Variants in LIX1 observed in about 807,000 individuals in gnomAD.
LIX1 encodes protein limb expression 1 homolog.
A neutral mutation model predicts 33.4 loss-of-function variants in LIX1; 24 were observed. The ratio of observed to expected loss-of-function variants is 0.72; its 90% CI spans 0.52 to 1.01. The LOEUF (loss-of-function observed/expected upper bound fraction) is 1.01. LIX1 is among the 50% of genes least tolerant of loss of function. The pLI is 0.00. For missense variants in LIX1, 311 were observed against 339.2 expected, an observed-to-expected ratio of 0.92 and a Z score of 0.65; for synonymous variants, 124 against 124.0, an observed-to-expected ratio of 1.00 and a Z score of 0.00.
chr5:97,110,655 G>C (rs1259460774), intron 2 of LIX1, among the ~76,000 whole-genome samples: 1 of 152,092 alleles, frequency 6.6e-6, no homozygotes. Context: ...TGTTGGTCAG[G>C]CTGGTCTCGA....
chr5:97,116,318 C>G (rs980690149), intron 2 of LIX1, among the ~76,000 whole-genome samples: 5 of 152,048 alleles, frequency 3.3e-5, no homozygotes, highest in African/African-American at 4.8e-5. Context: ...AAAGGGCAAC[C>G]GTTGGAACTC....
chr5:97,116,831 C>T (rs1046159694), intron 2 of LIX1, among the ~76,000 whole-genome samples: 2 of 152,070 alleles, frequency 1.3e-5, no homozygotes, highest in African/African-American at 2.4e-5. Flanking sequence ...GTCAGGCTTT[C>T]TTCCCCACTC....
Position 97,093,898 on chromosome 5 carries a change from C to A in LIX1, c.*850G>T, listed in dbSNP as rs994998155. Reference sequence around the variant, plus strand: ...CTAATAATTTTTCAAAATGTTTTAACCTTTAAAATGCCATTAATTTTTCTC... The same window carrying A: ...CTAATAATTTTTCAAAATGTTTTAAACTTTAAAATGCCATTAATTTTTCTC... On this transcript the variant is annotated 3_prime_UTR_variant, in exon 6 of 6. Coordinates refer to ENST00000274382, the MANE Select transcript of LIX1 (RefSeq NM_153234.5). The A allele has an allele frequency of 6.6e-6, 1 of 152,224 alleles. No homozygotes were observed. Among genetic ancestry groups the A allele is most frequent in the African/African-American group, 2.4e-5 (1 of 41,406 alleles). 9.4% of individuals were successfully genotyped at this position (152,224 alleles called of 1,614,324 possible).
intron 1 of LIX1, among the ~76,000 whole-genome samples, chr5:97,128,848 C>G (rs1318495345): frequency 2.0e-5 from 3 of 152,106 alleles, no homozygotes; most frequent in African/African-American, 7.2e-5. Flanking sequence ...TTCGTTCATG[C>G]TCACTGTATC....
chr5:97,104,711 T>C (rs1561491282), intron 4 of LIX1, among the ~76,000 whole-genome samples: 1 of 152,160 alleles, frequency 6.6e-6, no homozygotes, highest in African/African-American at 2.4e-5. Flanking sequence ...GAGTTACAGA[T>C]TGTTAATTTT....
chr5:97,107,779 A>G (rs1747135699), intron 2 of LIX1, among the ~76,000 whole-genome samples: 1 of 152,264 alleles, frequency 6.6e-6, no homozygotes, highest in Admixed American at 6.5e-5. Flanking sequence ...ATTAATGAGT[A>G]ATGATAAATT....
chr5:97,114,474 T>A (rs1209145412), intron 2 of LIX1, among the ~76,000 whole-genome samples: 1 of 152,218 alleles, frequency 6.6e-6, no homozygotes, highest in Non-Finnish European at 1.5e-5. Flanking sequence ...ACCAGGACCC[T>A]ATAGGGTACA....
At chr5:97,140,230 GT>G (rs1003267748) in intron 1 of LIX1, among the ~76,000 whole-genome samples, 2 of 152,192 alleles carry the variant, frequency 1.3e-5, no homozygotes, top group Non-Finnish European at 2.9e-5. Context: ...GTGTGTGCAT[GT>G]GTGTGTGTTT....
intron 3 of LIX1, 107 bp downstream of exon 3, chr5:97,107,253 T>A (rs316179): frequency 0.24 from 275,635 of 1,169,250 alleles, 36,795 homozygotes; most frequent in African/African-American, 0.57. Flanking sequence ...AAATTGAATC[T>A]ACAGAATTCT....
chr5:97,100,246 T>A (rs567162706), intron 4 of LIX1, among the ~76,000 whole-genome samples: 20 of 152,264 alleles, frequency 1.3e-4, no homozygotes, highest in African/African-American at 4.3e-4. Context: ...TTCAAAAATG[T>A]CCCCAAAGAG....
chr5:97,105,712 C>T (rs1460684759), intron 3 of LIX1, among the ~76,000 whole-genome samples: 3 of 152,176 alleles, frequency 2.0e-5, no homozygotes, highest in East Asian at 1.9e-4. Context: ...CTTTTACTGC[C>T]GTGATTCTTA....
intron 2 of LIX1, among the ~76,000 whole-genome samples, chr5:97,116,890 G>A (rs184190213): frequency 6.6e-6 from 1 of 151,978 alleles, no homozygotes; most frequent in Non-Finnish European, 1.5e-5. Context: ...ATGAACTAGG[G>A]GCTGGGAGAC....
intron 1 of LIX1, among the ~76,000 whole-genome samples, chr5:97,139,825 A>G (rs1017165403): frequency 6.6e-6 from 1 of 152,266 alleles, no homozygotes; most frequent in African/African-American, 2.4e-5. Flanking sequence ...ATTTCCTTCT[A>G]GAAGAGAAAA....
chr5:97,114,260 A>G (rs12332089), intron 2 of LIX1, among the ~76,000 whole-genome samples: 2,429 of 152,278 alleles, frequency 0.016, 61 homozygotes, highest in African/African-American at 0.056. Flanking sequence ...GCACTTTGGG[A>G]GGCTGAGGCT....
chr5:97,112,339 A>G (rs1747443243), intron 2 of LIX1, among the ~76,000 whole-genome samples: 1 of 152,226 alleles, frequency 6.6e-6, no homozygotes. Context: ...AGAAAATAAA[A>G]TATGGTAAGT....
At chr5:97,130,999 CAG>C (rs1748044948) in intron 1 of LIX1, among the ~76,000 whole-genome samples, 1 of 152,294 alleles carries the variant, frequency 6.6e-6, no homozygotes, top group Middle Eastern at 3.4e-3. Context: ...TTGAACACAA[CAG>C]AGTTTTCAGA....
chr5:97,136,476 C>G (rs188382571), intron 1 of LIX1, among the ~76,000 whole-genome samples: 6 of 152,184 alleles, frequency 3.9e-5, no homozygotes, highest in Non-Finnish European at 8.8e-5. Flanking sequence ...TCTGATTGTG[C>G]ACTGCTAGGT....
intron 1 of LIX1, among the ~76,000 whole-genome samples, chr5:97,134,962 C>T (rs1031540073): frequency 1.3e-5 from 2 of 152,290 alleles, no homozygotes; most frequent in Middle Eastern, 3.4e-3. Context: ...CCTTTGGTAA[C>T]GCTCCCAGGT....
intron 2 of LIX1, among the ~76,000 whole-genome samples, chr5:97,124,212 TC>T (rs1747854121): frequency 6.6e-6 from 1 of 152,180 alleles, no homozygotes; most frequent in Non-Finnish European, 1.5e-5. Context: ...CTTATGAGTT[TC>T]ACGGTATCCA....
Sources: allele counts gnomAD v4.1 joint callset (sites outside exome capture counted in the v4.1 genomes callset), GRCh38; gene constraint gnomAD v4.1.1; transcripts MANE v1.5; gene names NCBI Gene and HGNC (gene_info 2026-07-23, HGNC 2026-07-21).